The following XRN1 variants were observed in gnomAD, a reference collection of about 807,000 sequenced individuals.
The protein encoded by XRN1 is strand-exchange protein 1 homolog.
In XRN1, 67 loss-of-function variants were observed where a neutral mutation model predicts 222.3. That is an observed-to-expected ratio of 0.30 (90% CI 0.25 to 0.37). The LOEUF (loss-of-function observed/expected upper bound fraction) is 0.37, where lower values mean the gene tolerates loss of function less well. Ranked by LOEUF, XRN1 falls within the 10% of genes least tolerant of loss-of-function variation. XRN1 has a pLI of 1.00. For missense variants in XRN1, 1,707 were observed against 2,000.2 expected (o/e 0.85, Z 2.80); for synonymous variants, 643 against 652.4 (o/e 0.99, Z 0.22).
intron 20 of XRN1, among the ~76,000 whole-genome samples, chr3:142,391,994 C>T (rs575052059): frequency 6.6e-6 from 1 of 152,002 alleles, no homozygotes; most frequent in South Asian, 2.1e-4. Context: ...AAAGTACTTC[C>T]TTGCCCCCTT....
chr3:142,399,198 T>C (rs1242403352), intron 19 of XRN1, among the ~76,000 whole-genome samples: 1 of 116,390 alleles, frequency 8.6e-6, no homozygotes, highest in Non-Finnish European at 1.8e-5. Flanking sequence ...ATAAAATGTA[T>C]ATGAAAAGGC....
chr3:142,447,796 C>G lies in XRN1; in HGVS notation c.75+74G>C. 1.9e-6 allele frequency: 3 copies of G among 1,548,416 alleles called. No individual in the cohort carries two copies. Among genetic ancestry groups the G allele is most frequent in the South Asian group, 1.1e-5 (1 of 88,980 alleles). On this transcript the variant is annotated intron_variant, in intron 1 of 40. Coordinates refer to ENST00000392981, the MANE Select transcript of XRN1 (RefSeq NM_001282857.2). This position sits in a 1 kb window ranked among gnomAD's most constrained non-coding sequence, Gnocchi z 4.2. ...AGGGGAAAGAGGTGGCTCGAAAGCC[C>G]CAGCTCTAAGGTGGAGAGGGCCGCG...
chr3:142,336,694 A>C (rs2065862198), intron 33 of XRN1, among the ~76,000 whole-genome samples: 2 of 152,220 alleles, frequency 1.3e-5, no homozygotes, highest in Admixed American at 1.3e-4. Flanking sequence ...GTAATCTTAC[A>C]AAACAAAGGA....
At chr3:142,356,835 GTTTACA>G in intron 31 of XRN1, 71 bp downstream of exon 31, 6 of 1,456,732 alleles carry the variant, frequency 4.1e-6, no homozygotes, top group Non-Finnish European at 5.7e-6. Flanking sequence ...GTTAAATTAG[GTTTACA>G]TTTACAAAGT....
At chr3:142,376,095 G>C in intron 24 of XRN1, 151 bp from the exon 25 acceptor site, 1 of 1,308,592 alleles carries the variant, frequency 7.6e-7, no homozygotes, top group Non-Finnish European at 9.9e-7. Context: ...TAGTTATTAT[G>C]GTTATTTCCA....
intron 2 of XRN1, among the ~76,000 whole-genome samples, chr3:142,427,374 C>G (rs946794076): frequency 2.0e-5 from 3 of 151,576 alleles, no homozygotes; most frequent in African/African-American, 7.3e-5. Context: ...ATTAGGAATA[C>G]AGAAGTAGAA....
Position 142,405,088 on chromosome 3 carries a change from G to A in XRN1, c.1714-12C>T, listed in dbSNP as rs1210138009. On this transcript the variant is annotated splice_polypyrimidine_tract_variant and intron_variant, in intron 15 of 40. Coordinates refer to ENST00000392981, the MANE Select transcript of XRN1 (RefSeq NM_001282857.2). ...TCCAATAATCGCTTCTGAATATAAG[G>A]ATTGAAGAGAAGGGTTACAAGCATA... 4 of 1,612,274 alleles carry A rather than the reference G, an allele frequency of 2.5e-6. No individual in the cohort carries two copies. The highest frequency in any genetic ancestry group is 1.6e-4 in the Middle Eastern group (1 of 6,078).
At chr3:142,362,934 C>T (rs1029292653) in intron 29 of XRN1, among the ~76,000 whole-genome samples, 1 of 151,628 alleles carries the variant, frequency 6.6e-6, no homozygotes, top group East Asian at 1.9e-4. Flanking sequence ...CTATGCCTGG[C>T]TAATTAAAAA....
intron 13 of XRN1, 138 bp from the exon 14 acceptor site, chr3:142,414,429 G>A: frequency 1.7e-6 from 1 of 593,226 alleles, no homozygotes; most frequent in Non-Finnish European, 2.5e-6. Context: ...TCTACTATCT[G>A]AATATAAGAA....
intron 20 of XRN1, among the ~76,000 whole-genome samples, chr3:142,394,319 T>G (rs185564261): frequency 1.3e-5 from 2 of 152,334 alleles, no homozygotes; most frequent in African/African-American, 4.8e-5. Context: ...TCTAAGGCTG[T>G]GACTGGTGAA....
chr3:142,432,580 T>C (rs187663697), intron 2 of XRN1, 81 bp downstream of exon 2: 35 of 1,242,278 alleles, frequency 2.8e-5, no homozygotes, highest in Non-Finnish European at 3.7e-5. Context: ...GAACAGAAGA[T>C]TGTGTTAAAT....
intron 15 of XRN1, among the ~76,000 whole-genome samples, chr3:142,405,280 C>T (rs151004426): frequency 1.3e-5 from 2 of 152,240 alleles, no homozygotes; most frequent in Admixed American, 1.3e-4. Context: ...TAGAATACTG[C>T]TACCACTGCA....
chr3:142,361,420 T>C (rs1219925073), intron 29 of XRN1, among the ~76,000 whole-genome samples: 1 of 152,234 alleles, frequency 6.6e-6, no homozygotes, highest in East Asian at 1.9e-4. Flanking sequence ...ATGAATGGGA[T>C]GGCTGGGCCC....
chr3:142,311,877 T>C, intron 40 of XRN1, 64 bp from the exon 41 acceptor site: 1 of 1,472,576 alleles, frequency 6.8e-7, no homozygotes, highest in Non-Finnish European at 9.1e-7. Context: ...TGTTGGAAAT[T>C]ACCATAAACC....
At chr3:142,324,456 T>C (rs1236081661) in intron 37 of XRN1, among the ~76,000 whole-genome samples, 1 of 152,144 alleles carries the variant, frequency 6.6e-6, no homozygotes, top group African/African-American at 2.4e-5. Context: ...TAGTATTCCA[T>C]GGTGTATATC....
chr3:142,357,061 CA>C lies in XRN1; in HGVS notation c.3522del (p.His1174GlnfsTer12). 1 of 1,613,850 alleles carries C rather than the reference CA, an allele frequency of 6.2e-7. No individual in the cohort carries two copies. Among genetic ancestry groups the C allele is most frequent in the Non-Finnish European group, 8.5e-7 (1 of 1,179,932 alleles). On this transcript the variant is annotated frameshift_variant, in exon 31 of 41. Coordinates refer to ENST00000392981, the MANE Select transcript of XRN1 (RefSeq NM_001282857.2). LOFTEE classifies it high-confidence loss of function. ...TGATTTCCAGTTTCAGAGCGACTCC[CA>C]TGAGAAAGGTTCACCAAGGCACTTG... ...LPTSALVNLS[H>X]GSRSETGNQK...
At chr3:142,426,634 T>C (rs1293893670) in intron 3 of XRN1, 110 bp downstream of exon 3, 27 of 1,024,034 alleles carry the variant, frequency 2.6e-5, no homozygotes, top group Non-Finnish European at 3.5e-5. Context: ...ATACAGTAAA[T>C]GGAACCCTAA....
chr3:142,435,426 T>C (rs1399280618), intron 1 of XRN1: 1 of 149,406 alleles, frequency 6.7e-6, no homozygotes. Context: ...TCAACATCTC[T>C]AACACATAAA....
At chr3:142,371,859 A>G (rs572017731) in intron 25 of XRN1, among the ~76,000 whole-genome samples, 30 of 152,356 alleles carry the variant, frequency 2.0e-4, no homozygotes, top group African/African-American at 7.2e-4. Context: ...GAGACAGATG[A>G]AAAATGAAGC....
Sources: gnomAD v4.1 joint callset for allele counts (sites outside exome capture counted in the v4.1 genomes callset) on GRCh38, gnomAD v4.1.1 for gene constraint, Gnocchi (gnomAD v3.1) non-coding constraint, MANE v1.5 for transcripts, NCBI Gene and HGNC (gene_info 2026-07-23, HGNC 2026-07-21) for gene names.